Variants in ENTPD8 observed in about 807,000 individuals in gnomAD.
ENTPD8 encodes the protein E-NTPDase 8.
Under a neutral mutation model 47.0 loss-of-function variants are expected in ENTPD8, and 35 were observed. The ratio of observed to expected loss-of-function variants is 0.75; its 90% CI spans 0.57 to 0.99. The LOEUF (loss-of-function observed/expected upper bound fraction) is 0.99, where lower values mean the gene tolerates loss of function less well. ENTPD8 is among the 50% of genes least tolerant of loss of function. The pLI is 0.00. For missense variants in ENTPD8, 668 were observed against 649.9 expected, an observed-to-expected ratio of 1.03 and a Z score of -0.30; for synonymous variants, 308 against 290.5, an observed-to-expected ratio of 1.06 and a Z score of -0.61.
Position 137,434,973 on chromosome 9 carries a change from G to A in ENTPD8, c.1429C>T (p.Leu477=), listed in dbSNP as rs1176616579. The part of the protein sequence containing the change: ...VWVAKVVFMV[L]ALVAVVGAAL... The stretch of plus-strand genomic sequence containing the variant: ...GCCCCCACCACCGCCACCAGGGCCA[G>A]CACCATGAACACCACTTTGGCCACC... The change falls in exon 10 of 10, where the codon CTG becomes TTG. Residue 477 remains leucine, a synonymous_variant. Transcript: ENST00000371506. The A allele has an allele frequency of 3.1e-6, 5 of 1,612,862 alleles. No homozygotes were observed. The highest frequency in any genetic ancestry group is 1.1e-5 in the South Asian group (1 of 91,078).
rs367656206 is a variant in ENTPD8 at position 137,436,894 on chromosome 9, T to C, written c.530A>G (p.Asn177Ser). ...CTTGACCAGCGTCCCCAAGCCGTAG[T>C]TGACAGTGATCCAACCAAAGGCACC... ...AEGAFGWITV[N>S]YGLGTLVKYS... Residue 177 changes from asparagine (N) to serine (S), a missense_variant, in exon 5 of 10, where the codon AAC (asparagine) becomes AGC (serine). Asn to Ser is a conservative substitution (Grantham distance 46). Coordinates refer to ENST00000371506, the MANE Select transcript of ENTPD8 (RefSeq NM_001033113.2). 1.9e-6 allele frequency: 3 copies of C among 1,612,894 alleles called. No homozygotes were observed. Among genetic ancestry groups the C allele is most frequent in the Admixed American group, 1.7e-5 (1 of 60,000 alleles).
intron 1 of ENTPD8, among the ~76,000 whole-genome samples, chr9:137,440,028 G>GCC (rs1172529437): frequency 3.0e-5 from 1 of 33,604 alleles, no homozygotes; most frequent in Non-Finnish European, 5.0e-5. Flanking sequence ...GACCAGGAGA[G>GCC]CCCCCCAGAC....
chr9:137,438,983 GC>G lies in ENTPD8; in HGVS notation c.-20-679del, dbSNP rs1405671146. 6.6e-6 allele frequency among the ~76,000 whole-genome samples: 1 copy of G among 152,162 alleles called. No homozygotes were observed. Among genetic ancestry groups the G allele is most frequent in the African/African-American group, 2.4e-5 (1 of 41,436 alleles). On this transcript the variant is annotated intron_variant, in intron 1 of 9. Transcript: ENST00000371506. The surrounding 1 kb of genome is among the most constrained non-coding windows in gnomAD (Gnocchi z 5.7). ...CCCAGGGCTCTGCCTCCTCTCTGCGGCCCCCACCCCAGGCACTCCTAGGGTG... is the reference window on the plus strand; with the variant it reads ...CCCAGGGCTCTGCCTCCTCTCTGCGGCCCCACCCCAGGCACTCCTAGGGTG...
chr9:137,437,598 T>C (rs528482421), intron 3 of ENTPD8, among the ~76,000 whole-genome samples: 1 of 152,264 alleles, frequency 6.6e-6, no homozygotes, highest in African/African-American at 2.4e-5. Flanking sequence ...AGGAAACAAA[T>C]TCGGGGCCTC....
chr9:137,434,404 G>A lies in ENTPD8; in HGVS notation c.*510C>T, dbSNP rs1839276621. On this transcript the variant is annotated 3_prime_UTR_variant, in exon 10 of 10. Transcript: ENST00000371506. The stretch of plus-strand genomic sequence containing the variant: ...GCTTTTAATAAAAACAACCCCCACT[G>A]CAGTCTCACCCTCCAAGTGGGTGTG... 1 of 1,526,730 alleles carries A rather than the reference G, an allele frequency of 6.5e-7. No individual in the cohort carries two copies. The highest frequency in any genetic ancestry group is 8.8e-7 in the Non-Finnish European group (1 of 1,136,830). The allele number at this position is 1,526,730 out of a possible 1,614,324, so 94.6% of individuals were successfully genotyped here.
chr9:137,434,470 T>A lies in ENTPD8; in HGVS notation c.*444A>T, dbSNP rs1448514613. The A allele has an allele frequency of 7.8e-7, 1 of 1,277,978 alleles. No individual in the cohort carries two copies. The highest frequency in any genetic ancestry group is 1.1e-6 in the Non-Finnish European group (1 of 934,102). 79.2% of individuals were successfully genotyped at this position (1,277,978 alleles called of 1,614,324 possible). ...CCAGCAGAAGCCCCCAGGCCTGGAC[T>A]CCATCCATCTGCTCAGACAACAGCA... On this transcript the variant is annotated 3_prime_UTR_variant, in exon 10 of 10. Coordinates refer to ENST00000371506, the MANE Select transcript of ENTPD8 (RefSeq NM_001033113.2).
intron 8 of ENTPD8, 39 bp downstream of exon 8, chr9:137,435,680 G>C (rs768882092): frequency 6.4e-7 from 1 of 1,568,428 alleles, no homozygotes; most frequent in Admixed American, 1.7e-5. Flanking sequence ...GTACCCTCAG[G>C]GACCCTCGCT....
chr9:137,439,551 A>T (rs1839462667), intron 1 of ENTPD8, among the ~76,000 whole-genome samples: 1 of 152,048 alleles, frequency 6.6e-6, no homozygotes, highest in South Asian at 2.1e-4. Context: ...TGGGGTCCTC[A>T]CGCAATTCTG....
Position 137,436,368 on chromosome 9 carries a change from CATA to C in ENTPD8, c.787-95_787-93del. ...GGATGACCCACGCCAGCCCCGCGCCCATACCCTGTGCGCCCTCCCCGGTGCCGG... is the reference window on the plus strand; with the variant it reads ...GGATGACCCACGCCAGCCCCGCGCCCCCCTGTGCGCCCTCCCCGGTGCCGG... On this transcript the variant is annotated intron_variant, in intron 6 of 9. Transcript: ENST00000371506. 4 of 1,430,346 alleles carry C rather than the reference CATA, an allele frequency of 2.8e-6. No homozygotes were observed. The East Asian group carries it at 9.1e-5, about 32-fold the overall frequency. 88.6% of individuals were successfully genotyped at this position (1,430,346 alleles called of 1,614,324 possible).
In ENTPD8 at chr9:137,437,169, T is replaced by G. The variant is rs1839389867; in HGVS notation, c.385A>C (p.Arg129=). 3 of 1,612,710 alleles carry G rather than the reference T, an allele frequency of 1.9e-6. No individual in the cohort carries two copies. Among genetic ancestry groups the G allele is most frequent in the Non-Finnish European group, 1.7e-6 (2 of 1,179,906 alleles). ...CCATGCCTGCCTCACCTGAGCAACC[T>G]CATGCCAGCCGTGGCCCCCAGGAAC... is the stretch of plus-strand genomic sequence containing the variant. ...PTFLGATAGM[R]LLSRKNSSQA... is the part of the protein sequence containing the mutation. The change falls in exon 4 of 10, where the codon AGG becomes CGG. Residue 129 remains arginine (R), a synonymous_variant. Transcript: ENST00000371506.
chr9:137,436,144 C>T lies in ENTPD8; in HGVS notation c.919G>A (p.Val307Ile). The change falls in exon 7 of 10, where the codon GTT becomes ATT. Residue 307 changes from valine (V) to isoleucine (I), a missense_variant. Val to Ile is a conservative substitution (Grantham distance 29). Coordinates refer to ENST00000371506, the MANE Select transcript of ENTPD8 (RefSeq NM_001033113.2). Reference sequence around the variant, plus strand: ...GCTCCAGGGTTGCCTGTCCCTTCAACTGTGAGGTTCTGGGGGAGGCTCAGC... The same window carrying T: ...GCTCCAGGGTTGCCTGTCCCTTCAATTGTGAGGTTCTGGGGGAGGCTCAGC... Reference protein sequence around the residue: ...PPLSLPQNLTVEGTGNPGACV... With the variant: ...PPLSLPQNLTIEGTGNPGACV... The T allele has an allele frequency of 6.2e-7, 1 of 1,613,012 alleles. No homozygotes were observed. The highest frequency in any genetic ancestry group is 8.5e-7 in the Non-Finnish European group (1 of 1,179,980).
intron 3 of ENTPD8, 37 bp downstream of exon 3, chr9:137,437,930 C>T: frequency 6.5e-7 from 1 of 1,548,118 alleles, no homozygotes; most frequent in Non-Finnish European, 8.9e-7. Context: ...CAGCAACAGG[C>T]AGGTCCCAGC....
At chr9:137,435,410 T>A in intron 8 of ENTPD8, 72 bp from the exon 9 acceptor site, 1 of 1,544,512 alleles carries the variant, frequency 6.5e-7, no homozygotes, top group Non-Finnish European at 8.7e-7. Flanking sequence ...GCCCCATCTG[T>A]CCTGGCCAAC....
chr9:137,436,361 C>T lies in ENTPD8; in HGVS notation c.787-85G>A, dbSNP rs568280956. On this transcript the variant is annotated intron_variant, in intron 6 of 9. Transcript: ENST00000371506. The stretch of plus-strand genomic sequence containing the variant: ...CGGGGCCGGATGACCCACGCCAGCC[C>T]CGCGCCCATACCCTGTGCGCCCTCC... The T allele has an allele frequency of 9.0e-6, 13 of 1,439,114 alleles. No homozygotes were observed. In the East Asian group the frequency reaches 3.6e-4, roughly 40 times the overall value. The allele number at this position is 1,439,114 out of a possible 1,614,324, so 89.1% of individuals were successfully genotyped here. A position where few individuals can be genotyped will look rare whatever the true frequency, so the allele number is the denominator to read the frequency against.
chr9:137,436,900 G>A lies in ENTPD8; in HGVS notation c.524C>T (p.Thr175Ile), dbSNP rs889010121. The change falls in exon 5 of 10, where the codon ACT (threonine) becomes ATT (isoleucine). Residue 175 changes from threonine to isoleucine, a missense_variant. By Grantham distance (89) the Thr-to-Ile change is moderately conservative. Transcript: ENST00000371506. Reference sequence around the variant, plus strand: ...CAGCGTCCCCAAGCCGTAGTTGACAGTGATCCAACCAAAGGCACCTTCGGC... The same window carrying A: ...CAGCGTCCCCAAGCCGTAGTTGACAATGATCCAACCAAAGGCACCTTCGGC... ...GQAEGAFGWI[T>I]VNYGLGTLVK... 1.2e-6 allele frequency: 2 copies of A among 1,613,042 alleles called. No homozygotes were observed. Among genetic ancestry groups the A allele is most frequent in the Non-Finnish European group, 1.7e-6 (2 of 1,179,956 alleles).
chr9:137,435,750 A>G lies in ENTPD8; in HGVS notation c.1130T>C (p.Ile377Thr), dbSNP rs1218126229. The change falls in exon 8 of 10, where the codon ATC becomes ACC. Residue 377 changes from isoleucine to threonine, a missense_variant. Transcript: ENST00000371506. ...CCAGGGCCTCTGGCAAAACTCCCAG[A>G]TGGTGGCGTTGACCGTGCTCAGGGG... ...RQPLSTVNAT[I>T]WEFCQRPWKL... The G allele has an allele frequency of 6.2e-7, 1 of 1,613,354 alleles. No homozygotes were observed. Among genetic ancestry groups the G allele is most frequent in the Admixed American group, 1.7e-5 (1 of 60,014 alleles).
Position 137,437,224 on chromosome 9 carries a change from G to C in ENTPD8, c.330C>G (p.Ile110Met), listed in dbSNP as rs766095304. The change falls in exon 4 of 10, where the codon ATC becomes ATG. Residue 110 changes from isoleucine (I) to methionine (M), a missense_variant. Ile to Met is a conservative substitution (Grantham distance 10). Transcript: ENST00000371506. The stretch of plus-strand genomic sequence containing the variant: ...GTGTTTTCCGATGCTGGGCCTCTGG[G>C]ATCAGCACCAGCGCCTCCTCCAAGC... ...QGCLEEALVL[I>M]PEAQHRKTPT... is the part of the protein sequence containing the mutation. 1 of 1,613,012 alleles carries C rather than the reference G, an allele frequency of 6.2e-7. No homozygotes were observed. Among genetic ancestry groups the C allele is most frequent in the Non-Finnish European group, 8.5e-7 (1 of 1,179,998 alleles).
In ENTPD8 at chr9:137,436,599, G is replaced by T; in HGVS notation, c.708C>A (p.Asp236Glu). Residue 236 changes from aspartate (D) to glutamate (E), a missense_variant, in exon 6 of 10, where the codon GAC becomes GAA. Asp to Glu is a conservative substitution (Grantham distance 45, BLOSUM62 2). Transcript: ENST00000371506. ...TQADFRLYGS[D>E]YSVYTHSYLC... ...GGTAGCTGTGAGTGTAGACGCTGTA[G>T]TCGGAGCCGTAGAGGCGAAAATCGG... 1.9e-6 allele frequency: 3 copies of T among 1,611,634 alleles called. No homozygotes were observed. The South Asian group carries it at 3.3e-5, about 18-fold the overall frequency.
rs780136184 is a variant in ENTPD8 at position 137,436,877 on chromosome 9, G to A, written c.547C>T (p.Leu183=). 1.9e-6 allele frequency: 3 copies of A among 1,612,390 alleles called. No individual in the cohort carries two copies. Among genetic ancestry groups the A allele is most frequent in the African/African-American group, 1.3e-5 (1 of 74,930 alleles). The part of the protein sequence containing the change: ...WITVNYGLGT[L]VKYSFTGEWI... Reference sequence around the variant, plus strand: ...CAGGCAGCCTGTGGCACCTTGACCAGCGTCCCCAAGCCGTAGTTGACAGTG... The same window carrying A: ...CAGGCAGCCTGTGGCACCTTGACCAACGTCCCCAAGCCGTAGTTGACAGTG... Residue 183 remains leucine (L), a synonymous_variant, in exon 5 of 10, where the codon CTG becomes TTG. Transcript: ENST00000371506.
Sources: allele counts gnomAD v4.1 joint callset (sites outside exome capture counted in the v4.1 genomes callset), GRCh38; gene constraint gnomAD v4.1.1; non-coding constraint Gnocchi (gnomAD v3.1); transcripts MANE v1.5; gene names NCBI Gene and HGNC (gene_info 2026-07-23, HGNC 2026-07-21).